LMLN: variants seen among roughly 807,000 people sequenced by gnomAD.
LMLN encodes the protein leishmanolysin-like peptidase.
A neutral mutation model predicts 92.3 loss-of-function variants in LMLN; 70 were observed. That is an observed-to-expected ratio of 0.76 (90% CI 0.63 to 0.92). LMLN has a LOEUF of 0.92. Among genes scored for constraint, LMLN ranks in the 40% least tolerant of loss-of-function variants. The pLI is 0.00. For missense variants in LMLN, 691 were observed against 814.6 expected (o/e 0.85, Z 1.85); for synonymous variants, 308 against 296.2 (o/e 1.04, Z -0.41).
intron 8 of LMLN, among the ~76,000 whole-genome samples, chr3:197,986,817 T>A (rs375526988): frequency 6.6e-6 from 1 of 151,878 alleles, no homozygotes; most frequent in Non-Finnish European, 1.5e-5. Flanking sequence ...ATTCTTTTAA[T>A]GTTCTGTATG....
chr3:197,974,523 TA>T, intron 2 of LMLN, 49 bp downstream of exon 2: 1 of 1,011,248 alleles, frequency 9.9e-7, no homozygotes, highest in Non-Finnish European at 1.4e-6. Context: ...ATCTAAATGT[TA>T]AAGATATTTT....
intron 1 of LMLN, among the ~76,000 whole-genome samples, chr3:197,970,546 G>A (rs75115533): frequency 0.065 from 9,831 of 152,216 alleles, 380 homozygotes; most frequent in African/African-American, 0.1. Context: ...GGTCTACCAG[G>A]GAAGATTACC....
intron 12 of LMLN, 58 bp from the exon 14 acceptor site, chr3:198,021,388 C>T: frequency 6.5e-7 from 1 of 1,527,794 alleles, no homozygotes; most frequent in Non-Finnish European, 9.0e-7. Flanking sequence ...CTGTGCACTT[C>T]CTCAATTTTA....
Position 198,019,290 on chromosome 3 carries a change from A to G in LMLN, c.1270A>G (p.Ser424Gly). The change falls in exon 12 of 16, where the codon AGT becomes GGT. Residue 424 changes from serine to glycine, a missense_variant. By Grantham distance (56) the Ser-to-Gly change is moderately conservative. Coordinates refer to ENST00000330198, the Ensembl canonical transcript of LMLN. The surrounding 1 kb of genome is among the most constrained non-coding windows in gnomAD (Gnocchi z 5.5). ...GAGCCCTTACTGTGACACGCTCAGA[A>G]GTAACCCACTGCAGCTAACTTGCAG... The G allele has an allele frequency of 6.2e-7, 1 of 1,614,118 alleles. No individual in the cohort carries two copies. Among genetic ancestry groups the G allele is most frequent in the Non-Finnish European group, 8.5e-7 (1 of 1,180,016 alleles).
chr3:197,972,243 T>C (rs1721250226), intron 1 of LMLN, among the ~76,000 whole-genome samples: 1 of 151,992 alleles, frequency 6.6e-6, no homozygotes, highest in Non-Finnish European at 1.5e-5. Flanking sequence ...TTTGTATTTT[T>C]AGTGGAGACA....
chr3:197,966,534 G>A (rs1160559857), intron 1 of LMLN, among the ~76,000 whole-genome samples: 1 of 149,934 alleles, frequency 6.7e-6, no homozygotes, highest in Non-Finnish European at 1.5e-5. Context: ...TCTATACCTA[G>A]TTTTCTAAGA....
At chr3:197,984,143 G>A in intron 7 of LMLN, 95 bp downstream of exon 7, 1 of 749,850 alleles carries the variant, frequency 1.3e-6, no homozygotes. Context: ...AAGATGATGT[G>A]GATTCCTAGA....
exon 15 of LMLN, chr3:198,035,915 T>C: frequency 6.2e-7 from 1 of 1,614,100 alleles, no homozygotes; most frequent in Non-Finnish European, 8.5e-7. Flanking sequence ...GTCCTCCCTG[T>C]CAGTATCCAG....
At chr3:198,022,295 T>A (rs1479230453) in intron 13 of LMLN, among the ~76,000 whole-genome samples, 1 of 152,190 alleles carries the variant, frequency 6.6e-6, no homozygotes, top group African/African-American at 2.4e-5. Context: ...GGCAATTGGG[T>A]ATTCTGCAAT....
chr3:197,988,541 G>A (rs1440001933), intron 8 of LMLN, among the ~76,000 whole-genome samples: 2 of 129,892 alleles, frequency 1.5e-5, no homozygotes, highest in East Asian at 2.3e-4. Context: ...AGGCTGCAGT[G>A]CAGTGGCACA....
At chr3:198,012,169 C>A (rs1262194080) in intron 11 of LMLN, among the ~76,000 whole-genome samples, 1 of 152,110 alleles carries the variant, frequency 6.6e-6, no homozygotes, top group Non-Finnish European at 1.5e-5. Flanking sequence ...AGTTCAAGCT[C>A]TTCTCCTGCC....
chr3:197,996,128 G>T, intron 9 of LMLN, 47 bp from the exon 10 acceptor site: 4 of 1,023,770 alleles, frequency 3.9e-6, no homozygotes, highest in Non-Finnish European at 5.7e-6. Flanking sequence ...GTTATCTTAC[G>T]GTACTTTTGT....
intron 11 of LMLN, among the ~76,000 whole-genome samples, chr3:198,000,719 T>C (rs1722149457): frequency 6.6e-6 from 1 of 152,100 alleles, no homozygotes; most frequent in African/African-American, 2.4e-5. Context: ...TGAGCCACCG[T>C]GCCCAGCATA....
chr3:197,965,398 A>G (rs1241467027), intron 1 of LMLN, among the ~76,000 whole-genome samples: 1 of 151,896 alleles, frequency 6.6e-6, no homozygotes, highest in African/African-American at 2.4e-5. Flanking sequence ...TATATATTCT[A>G]TAGTTTTTTT....
At chr3:198,002,085 T>G (rs1722189676) in intron 11 of LMLN, among the ~76,000 whole-genome samples, 2 of 152,216 alleles carry the variant, frequency 1.3e-5, no homozygotes, top group Non-Finnish European at 2.9e-5. Context: ...AAATAAAAAC[T>G]AAAACAAATT....
At chr3:198,022,915 C>A (rs1378572367) in intron 13 of LMLN, among the ~76,000 whole-genome samples, 1 of 152,094 alleles carries the variant, frequency 6.6e-6, no homozygotes, top group Non-Finnish European at 1.5e-5. Context: ...TCAGCAGTTC[C>A]ATATTAAAGC....
chr3:197,961,811 A>G (rs1025013260), intron 1 of LMLN, among the ~76,000 whole-genome samples: 1 of 152,200 alleles, frequency 6.6e-6, no homozygotes, highest in Non-Finnish European at 1.5e-5. Flanking sequence ...TTACTTTTTA[A>G]CTGGTTCTCA....
At chr3:198,012,935 A>C (rs1722493806) in intron 11 of LMLN, among the ~76,000 whole-genome samples, 11 of 113,316 alleles carry the variant, frequency 9.7e-5, no homozygotes, top group South Asian at 3.0e-4. Context: ...AACTAGTCTG[A>C]CTTCTCTGTA....
exon 15 of LMLN, chr3:198,035,986 C>G (rs777881043): frequency 6.2e-7 from 1 of 1,614,084 alleles, no homozygotes; most frequent in South Asian, 1.1e-5. Context: ...CTTCTGTGAG[C>G]TCTGTCCTCC....
Sources: gnomAD v4.1 joint callset for allele counts (sites outside exome capture counted in the v4.1 genomes callset) on GRCh38, gnomAD v4.1.1 for gene constraint, Gnocchi (gnomAD v3.1) non-coding constraint, MANE v1.5 for transcripts, NCBI Gene and HGNC (gene_info 2026-07-23, HGNC 2026-07-21) for gene names.